The following CTNND2 variants were observed in gnomAD, a reference collection of about 807,000 sequenced individuals.
CTNND2 encodes catenin delta-2.
CTNND2 carries 22 observed loss-of-function variants against 144.4 expected under a neutral mutation model. The observed-to-expected ratio is 0.15, with a 90% CI of 0.11 to 0.22. CTNND2 has a LOEUF of 0.22. Ranked by LOEUF, CTNND2 falls within the 10% of genes least tolerant of loss-of-function variation. The pLI, the probability that CTNND2 is intolerant of heterozygous loss-of-function variation, is 1.00. For missense variants in CTNND2, 1,353 were observed against 1,618.8 expected, an observed-to-expected ratio of 0.84 and a Z score of 2.82; for synonymous variants, 751 against 695.6, an observed-to-expected ratio of 1.08 and a Z score of -1.25.
At chr5:11,134,259 C>A (rs62339082) in intron 12 of CTNND2, among the ~76,000 whole-genome samples, 61,864 of 152,038 alleles carry the variant, frequency 0.41, 14,338 homozygotes, top group Admixed American at 0.53. Flanking sequence ...CTGGCTGACA[C>A]CCCACAAGGA....
intron 2 of CTNND2, among the ~76,000 whole-genome samples, chr5:11,688,418 T>C (rs1784754353): frequency 6.6e-6 from 1 of 152,194 alleles, no homozygotes; most frequent in Non-Finnish European, 1.5e-5. Flanking sequence ...GCACTAAATA[T>C]ACTCTGTATG....
At chr5:11,691,403 T>G (rs180787649) in intron 2 of CTNND2, among the ~76,000 whole-genome samples, 8 of 150,650 alleles carry the variant, frequency 5.3e-5, no homozygotes, top group African/African-American at 1.9e-4. Context: ...TAAAATAAAA[T>G]AAAATAAAAT....
intron 5 of CTNND2, among the ~76,000 whole-genome samples, chr5:11,398,151 A>G (rs944093794): frequency 2.0e-5 from 3 of 152,206 alleles, no homozygotes; most frequent in African/African-American, 7.2e-5. Flanking sequence ...TCTTTGTACC[A>G]TAGTACAAAG....
intron 2 of CTNND2, among the ~76,000 whole-genome samples, chr5:11,604,031 AT>A (rs1382324763): frequency 6.6e-6 from 1 of 152,244 alleles, no homozygotes; most frequent in African/African-American, 2.4e-5. Context: ...AGCGTATAAT[AT>A]TAAGGCATAA....
chr5:11,246,910 T>C (rs1277373416), intron 9 of CTNND2, among the ~76,000 whole-genome samples: 1 of 151,702 alleles, frequency 6.6e-6, no homozygotes, highest in Non-Finnish European at 1.5e-5. Context: ...GAGAAGTGAG[T>C]CCCGGGCCCT....
At chr5:11,895,146 T>C (rs866146644) in intron 1 of CTNND2, among the ~76,000 whole-genome samples, 1 of 152,106 alleles carries the variant, frequency 6.6e-6, no homozygotes, top group Non-Finnish European at 1.5e-5. Flanking sequence ...CACAGTCAAG[T>C]GCCAGAACCA....
rs576492238 is a variant in CTNND2 at position 11,431,015 on chromosome 5, C to T, written c.288-18946G>A. 1.6e-3 allele frequency among the ~76,000 whole-genome samples: 245 copies of T among 152,236 alleles called. 1 individual carries two copies. Among genetic ancestry groups the T allele is most frequent in the Non-Finnish European group, 2.4e-3 (161 of 68,016 alleles). On this transcript the variant is annotated intron_variant, in intron 3 of 21. Coordinates refer to ENST00000304623, the MANE Select transcript of CTNND2 (RefSeq NM_001332.4). ...GGATATCATAAAGATTTGAAAGAAA[C>T]AATGAATCTATACTGCCTATGGAGA...
intron 6 of CTNND2, among the ~76,000 whole-genome samples, chr5:11,393,824 T>C (rs1759837931): frequency 6.6e-6 from 1 of 152,134 alleles, no homozygotes; most frequent in Middle Eastern, 3.2e-3. Flanking sequence ...GAGTAATGTT[T>C]TTAACACATA....
intron 1 of CTNND2, among the ~76,000 whole-genome samples, chr5:11,742,565 T>C (rs1210112263): frequency 6.6e-6 from 1 of 152,158 alleles, no homozygotes; most frequent in Non-Finnish European, 1.5e-5. Context: ...CAAAATAGAA[T>C]TACTTTTGGC....
chr5:11,263,677 G>T (rs1408720526), intron 9 of CTNND2, among the ~76,000 whole-genome samples: 1 of 152,190 alleles, frequency 6.6e-6, no homozygotes, highest in East Asian at 1.9e-4. Flanking sequence ...GTATTTTCCA[G>T]TATGAGCCTT....
chr5:11,551,302 G>A (rs968157619), intron 3 of CTNND2, among the ~76,000 whole-genome samples: 1 of 150,936 alleles, frequency 6.6e-6, no homozygotes, highest in African/African-American at 2.4e-5. Flanking sequence ...TTCTTTCCCT[G>A]CCAATATTTT....
At chr5:11,243,302 T>C (rs766853076) in intron 9 of CTNND2, among the ~76,000 whole-genome samples, 6 of 152,200 alleles carry the variant, frequency 3.9e-5, no homozygotes, top group Non-Finnish European at 7.3e-5. Context: ...GCCTTGGGCT[T>C]GGGTCTGAGT....
chr5:11,032,585 G>T (rs1249671270), intron 16 of CTNND2, among the ~76,000 whole-genome samples: 4 of 152,152 alleles, frequency 2.6e-5, no homozygotes, highest in African/African-American at 9.7e-5. Flanking sequence ...GTCTCTTCTG[G>T]ATTGTCCGGA....
chr5:11,133,310 T>C, intron 12 of CTNND2, among the ~76,000 whole-genome samples: 1 of 152,214 alleles, frequency 6.6e-6, no homozygotes, highest in Non-Finnish European at 1.5e-5. Context: ...CAGTAACTAG[T>C]AATTTAATCT....
At chr5:11,727,426 T>G (rs1315933123) in intron 2 of CTNND2, among the ~76,000 whole-genome samples, 1 of 152,176 alleles carries the variant, frequency 6.6e-6, no homozygotes, top group African/African-American at 2.4e-5. Context: ...ACTCCTAGCT[T>G]GCACCTTTAT....
intron 10 of CTNND2, among the ~76,000 whole-genome samples, chr5:11,230,333 A>C (rs1740864242): frequency 6.8e-6 from 1 of 146,950 alleles, no homozygotes; most frequent in African/African-American, 2.5e-5. Flanking sequence ...TAACCTGTAC[A>C]ATGTGCACAT....
chr5:11,196,140 A>G (rs1736837034), intron 11 of CTNND2, among the ~76,000 whole-genome samples: 1 of 152,188 alleles, frequency 6.6e-6, no homozygotes, highest in South Asian at 2.1e-4. Flanking sequence ...ATAATTTAAA[A>G]CTCTGCAAGA....
At chr5:11,099,534 T>C (rs1000006094) in intron 14 of CTNND2, among the ~76,000 whole-genome samples, 1 of 152,198 alleles carries the variant, frequency 6.6e-6, no homozygotes. Flanking sequence ...AAAAGTTAAA[T>C]GAGCAAAGCA....
At chr5:11,459,513 C>A (rs1766017826) in intron 3 of CTNND2, among the ~76,000 whole-genome samples, 2 of 152,116 alleles carry the variant, frequency 1.3e-5, no homozygotes, top group South Asian at 4.1e-4. Context: ...AAGCCAAGAA[C>A]AAAAGCACCA....
Sources: gnomAD v4.1 joint callset for allele counts (sites outside exome capture counted in the v4.1 genomes callset) on GRCh38, gnomAD v4.1.1 for gene constraint, MANE v1.5 for transcripts, NCBI Gene and HGNC (gene_info 2026-07-23, HGNC 2026-07-21) for gene names.